The following ALK variants were observed in gnomAD, a reference collection of about 807,000 sequenced individuals.
ALK encodes the protein ALK receptor tyrosine kinase, also known as ALK tyrosine kinase receptor.
ALK carries 74 observed loss-of-function variants against 163.1 expected under a neutral mutation model. That is an observed-to-expected ratio of 0.45 (90% CI 0.38 to 0.55). The LOEUF is 0.55. Among genes scored for constraint, ALK ranks in the 20% least tolerant of loss-of-function variants. The pLI, the probability that ALK is intolerant of heterozygous loss-of-function variation, is 0.00. For synonymous variants in ALK, 960 were observed against 843.2 expected, an observed-to-expected ratio of 1.14 and a Z score of -2.40; for missense variants, 2,063 against 2,105.3, an observed-to-expected ratio of 0.98 and a Z score of 0.39.
chr2:29,798,838 G>GA (rs937271305), intron 1 of ALK, among the ~76,000 whole-genome samples: 2 of 152,034 alleles, frequency 1.3e-5, no homozygotes, highest in Admixed American at 6.5e-5. Context: ...TTTCCTGGGG[G>GA]AAAAAAAAGA....
intron 9 of ALK, among the ~76,000 whole-genome samples, chr2:29,282,325 T>C (rs1665737835): frequency 6.6e-6 from 1 of 152,198 alleles, no homozygotes; most frequent in African/African-American, 2.4e-5. Flanking sequence ...GAATAATATA[T>C]GTGAAGAAAA....
At chr2:29,471,790 G>A (rs546647101) in intron 4 of ALK, among the ~76,000 whole-genome samples, 1 of 150,392 alleles carries the variant, frequency 6.6e-6, no homozygotes, top group East Asian at 2.0e-4. Context: ...TGCCCAGACT[G>A]AAGTGGAATG....
At chr2:29,817,741 C>A (rs1664936851) in intron 1 of ALK, among the ~76,000 whole-genome samples, 1 of 152,050 alleles carries the variant, frequency 6.6e-6, no homozygotes, top group Admixed American at 6.6e-5. Flanking sequence ...CACATAGATG[C>A]AGGGCAGAGC....
rs1669020986 is a variant in ALK, at chr2:29,196,275, A to G, written c.4164+495T>C. The stretch of plus-strand genomic sequence containing the variant: ...TTGTGCAGTATGAATGATAGCAAGT[A>G]TTATTGATGATGTTAAAATTTCTCC... On this transcript the variant is annotated intron_variant, in intron 28 of 28. Transcript: ENST00000389048. Among the ~76,000 whole-genome samples the G allele has an allele frequency of 2.6e-5, 4 of 152,370 alleles. No individual in the cohort carries two copies. In the South Asian group the frequency reaches 8.3e-4, roughly 32 times the overall value.
At chr2:29,544,802 A>G (rs4473345) in intron 3 of ALK, among the ~76,000 whole-genome samples, 21,300 of 151,948 alleles carry the variant, frequency 0.14, 1,813 homozygotes, top group East Asian at 0.34. Context: ...TAAAAATGCT[A>G]CATTCCATAT....
intron 14 of ALK, among the ~76,000 whole-genome samples, chr2:29,232,913 G>C (rs573512985): frequency 6.6e-6 from 1 of 152,316 alleles, no homozygotes; most frequent in East Asian, 1.9e-4. Flanking sequence ...GGACCTAGCA[G>C]GTGGCCTCTG....
At chr2:29,493,133 T>G (rs1031481087) in intron 4 of ALK, among the ~76,000 whole-genome samples, 1 of 152,246 alleles carries the variant, frequency 6.6e-6, no homozygotes, top group African/African-American at 2.4e-5. Flanking sequence ...TTACACTTAC[T>G]TGAGCGTCAA....
At chr2:29,762,590 T>C (rs928690238) in intron 1 of ALK, among the ~76,000 whole-genome samples, 1 of 152,330 alleles carries the variant, frequency 6.6e-6, no homozygotes, top group African/African-American at 2.4e-5. Context: ...TAGGACTCAG[T>C]TATGGCTGAA....
chr2:29,301,923 A>T (rs1318109972), intron 8 of ALK, among the ~76,000 whole-genome samples: 1 of 152,176 alleles, frequency 6.6e-6, no homozygotes, highest in Non-Finnish European at 1.5e-5. Flanking sequence ...CTTAAGGGAG[A>T]TCATCATCTA....
rs553610416 is a variant in ALK, at chr2:29,466,160, A to G, written c.1154+65755T>C. Among the ~76,000 whole-genome samples the G allele has an allele frequency of 6.6e-5, 10 of 152,328 alleles. No individual in the cohort carries two copies. The East Asian group carries it at 1.9e-3, about 29-fold the overall frequency. Reference sequence around the variant, plus strand: ...ATACTTCAGTAAACTGAAGCTCTTCATGGTTCCAGGGCTTCTGGACATCAT... The same window carrying G: ...ATACTTCAGTAAACTGAAGCTCTTCGTGGTTCCAGGGCTTCTGGACATCAT... On this transcript the variant is annotated intron_variant, in intron 4 of 28. Transcript: ENST00000389048.
chr2:29,618,978 CAAAAAATAAAT>C (rs1675942692), intron 3 of ALK, among the ~76,000 whole-genome samples: 1 of 133,504 alleles, frequency 7.5e-6, no homozygotes, highest in Non-Finnish European at 1.6e-5. Context: ...GACTGCGTCT[CAAAAAATAAAT>C]AAAAAATAAA....
At chr2:29,707,285 T>C (rs1573571946) in intron 2 of ALK, among the ~76,000 whole-genome samples, 2 of 152,220 alleles carry the variant, frequency 1.3e-5, no homozygotes, top group South Asian at 2.1e-4. Context: ...CTACTGGGTG[T>C]TAATGTGAAC....
chr2:29,652,402 G>C (rs1677061695), intron 3 of ALK, among the ~76,000 whole-genome samples: 1 of 152,180 alleles, frequency 6.6e-6, no homozygotes, highest in Non-Finnish European at 1.5e-5. Flanking sequence ...CATCCATTAA[G>C]AGCCATGCTT....
intron 2 of ALK, among the ~76,000 whole-genome samples, chr2:29,701,999 G>T (rs945603058): frequency 2.6e-5 from 4 of 152,028 alleles, no homozygotes; most frequent in Non-Finnish European, 5.9e-5. Context: ...CCACAGACAT[G>T]GACATGTCTG....
intron 8 of ALK, among the ~76,000 whole-genome samples, chr2:29,303,480 CT>C (rs1258626415): frequency 6.6e-6 from 1 of 152,170 alleles, no homozygotes; most frequent in Non-Finnish European, 1.5e-5. Context: ...ATGGAGATTT[CT>C]CAAAGAACTA....
chr2:29,194,773 C>T (rs1211941517), intron 28 of ALK, among the ~76,000 whole-genome samples: 3 of 151,840 alleles, frequency 2.0e-5, no homozygotes, highest in African/African-American at 7.3e-5. Context: ...CTGCCTCGGC[C>T]TCCCAGAGTG....
intron 3 of ALK, among the ~76,000 whole-genome samples, chr2:29,675,063 CT>C (rs1205353619): frequency 6.6e-6 from 1 of 151,760 alleles, no homozygotes. Context: ...ATTCTTCTCT[CT>C]TTTTTTCTTT....
At chr2:29,827,272 G>A (rs1665229068) in intron 1 of ALK, among the ~76,000 whole-genome samples, 1 of 152,174 alleles carries the variant, frequency 6.6e-6, no homozygotes, top group African/African-American at 2.4e-5. Context: ...AGAAATCAAG[G>A]TCCAGAGAGA....
chr2:29,796,792 G>A (rs1449151597), intron 1 of ALK, among the ~76,000 whole-genome samples: 1 of 152,044 alleles, frequency 6.6e-6, no homozygotes, highest in Non-Finnish European at 1.5e-5. Context: ...GGTGGGGCAC[G>A]GGGTATGACA....
Sources: gnomAD v4.1 joint callset for allele counts (sites outside exome capture counted in the v4.1 genomes callset) on GRCh38, gnomAD v4.1.1 for gene constraint, MANE v1.5 for transcripts, NCBI Gene and HGNC (gene_info 2026-07-23, HGNC 2026-07-21) for gene names.